BZW2: variants seen among roughly 807,000 people sequenced by gnomAD.
The protein encoded by BZW2 is eIF5-mimic protein 1.
In BZW2, 23 loss-of-function variants were observed where a neutral mutation model predicts 53.2. The observed-to-expected ratio is 0.43, with a 90% CI of 0.31 to 0.61. BZW2 has a LOEUF of 0.61. Among genes scored for constraint, BZW2 ranks in the 20% least tolerant of loss-of-function variants. The pLI is 0.09. For synonymous variants in BZW2, 227 were observed against 186.4 expected (o/e 1.22, Z -1.77); for missense variants, 409 against 503.1 (o/e 0.81, Z 1.79).
intron 7 of BZW2, 52 bp downstream of exon 7, chr7:16,689,958 T>C: frequency 7.2e-7 from 1 of 1,389,808 alleles, no homozygotes; most frequent in Non-Finnish European, 1.0e-6. Flanking sequence ...TCTTGGAGCT[T>C]AAGCAATGCC....
intron 2 of BZW2, among the ~76,000 whole-genome samples, chr7:16,671,268 T>C (rs2128356998): frequency 6.6e-6 from 1 of 152,320 alleles, no homozygotes; most frequent in East Asian, 1.9e-4. Flanking sequence ...TTAGGGTTTA[T>C]ATTTTTGTGA....
At chr7:16,674,705 C>A in intron 3 of BZW2, 117 bp downstream of exon 3, 2 of 905,034 alleles carry the variant, frequency 2.2e-6, no homozygotes, top group Non-Finnish European at 3.0e-6. Context: ...AATAAAAATA[C>A]AAATGGAAGC....
intron 1 of BZW2, among the ~76,000 whole-genome samples, chr7:16,647,502 A>G (rs532999478): frequency 2.0e-5 from 3 of 152,204 alleles, no homozygotes; most frequent in Non-Finnish European, 4.4e-5. Context: ...AATCTTTCCT[A>G]AACTCCAGCT....
intron 2 of BZW2, among the ~76,000 whole-genome samples, chr7:16,670,563 C>T (rs1344956859): frequency 6.6e-6 from 1 of 152,144 alleles, no homozygotes; most frequent in South Asian, 2.1e-4. Context: ...TTCCACCTTT[C>T]TCATATTATA....
intron 10 of BZW2, among the ~76,000 whole-genome samples, chr7:16,699,365 C>G (rs934638363): frequency 1.3e-5 from 2 of 152,184 alleles, no homozygotes; most frequent in Non-Finnish European, 2.9e-5. Context: ...AACCTGCAAG[C>G]CATGTTACCA....
intron 5 of BZW2, 67 bp from the exon 6 acceptor site, chr7:16,685,838 T>G: frequency 6.8e-7 from 1 of 1,468,334 alleles, no homozygotes; most frequent in Non-Finnish European, 8.9e-7. Flanking sequence ...AGTCCTTTGC[T>G]TCATAGACAT....
At chr7:16,682,890 T>C (rs1384203893) in intron 5 of BZW2, 45 bp downstream of exon 5, 6 of 1,343,168 alleles carry the variant, frequency 4.5e-6, no homozygotes, top group Non-Finnish European at 1.0e-6. Context: ...AGTAATGACA[T>C]GGGGGTGGAT....
chr7:16,671,647 T>C (rs1782603355), intron 2 of BZW2, among the ~76,000 whole-genome samples: 2 of 152,062 alleles, frequency 1.3e-5, no homozygotes, highest in South Asian at 2.1e-4. Context: ...GTAGTTTGGC[T>C]GGGCCAGGCA....
intron 1 of BZW2, among the ~76,000 whole-genome samples, chr7:16,648,100 A>G (rs1195783364): frequency 6.6e-6 from 1 of 152,256 alleles, no homozygotes; most frequent in African/African-American, 2.4e-5. Flanking sequence ...TTACATTTCT[A>G]GAAACAGATT....
Position 16,662,178 on chromosome 7 carries a change from G to T in BZW2, c.-7-3259G>T, listed in dbSNP as rs1378288450. ...AAATTTAGAGGGAAGTGGGGCCTCTGCTCCAAATAGTAACAGCTAAAGGAT... is the reference window on the plus strand; with the variant it reads ...AAATTTAGAGGGAAGTGGGGCCTCTTCTCCAAATAGTAACAGCTAAAGGAT... On this transcript the variant is annotated intron_variant, in intron 1 of 11. Coordinates refer to ENST00000258761, the MANE Select transcript of BZW2 (RefSeq NM_014038.3). 6 of 152,216 alleles carry T rather than the reference G, an allele frequency of 3.9e-5. No individual in the cohort carries two copies. The East Asian group carries it at 1.2e-3, about 29-fold the overall frequency. The allele number at this position is 152,216 out of a possible 1,614,324, so 9.4% of individuals were successfully genotyped here. A position where few individuals can be genotyped will look rare whatever the true frequency, so the allele number is the denominator to read the frequency against.
intron 11 of BZW2, among the ~76,000 whole-genome samples, chr7:16,705,119 A>C (rs937289043): frequency 2.0e-5 from 3 of 149,234 alleles, no homozygotes; most frequent in African/African-American, 7.4e-5. Flanking sequence ...CACTTTGGGA[A>C]GCAGAGGTGG....
intron 7 of BZW2, among the ~76,000 whole-genome samples, chr7:16,691,354 T>C (rs952657378): frequency 2.6e-5 from 4 of 152,194 alleles, no homozygotes; most frequent in Non-Finnish European, 5.9e-5. Context: ...GATAAGTGAA[T>C]AGGTTGCTGA....
chr7:16,653,763 T>C lies in BZW2; in HGVS notation c.-8+7475T>C, dbSNP rs116568567. Among the ~76,000 whole-genome samples the C allele has an allele frequency of 9.8e-3, 1,490 of 152,304 alleles. 18 individuals are homozygous for C. The highest frequency in any genetic ancestry group is 0.033 in the African/African-American group (1,357 of 41,560). ...CATAGGCATTTTCTAAAAGGTTACA[T>C]AGGATGATGTTAAAGGGTTTAAATT... On this transcript the variant is annotated intron_variant, in intron 1 of 11. Transcript: ENST00000258761.
At chr7:16,705,778 T>C (rs565245064) in intron 11 of BZW2, among the ~76,000 whole-genome samples, 3 of 149,570 alleles carry the variant, frequency 2.0e-5, no homozygotes, top group East Asian at 1.9e-4. Context: ...CAAATTTTTA[T>C]ATAATTTATA....
At position 16,681,342 on chromosome 7, in the gene BZW2, A is replaced by G. The variant is rs1294741504; in HGVS notation, c.277A>G (p.Met93Val). Residue 93 changes from methionine (M) to valine (V), a missense_variant, in exon 4 of 12, where the codon ATG (methionine) becomes GTG (valine). Around this residue, in one of 3 missense-constraint regions of BZW2, gnomAD observed 316 missense variants for 366.8 expected, o/e 0.86. Transcript: ENST00000258761. ...CATAGATGATGGTGACAAGACCAAGATGACCAACCACTGTGTGTTTTCAGC... is the reference window on the plus strand; with the variant it reads ...CATAGATGATGGTGACAAGACCAAGGTGACCAACCACTGTGTGTTTTCAGC... ...TRIDDGDKTK[M>V]TNHCVFSANE... 1 of 1,613,996 alleles carries G rather than the reference A, an allele frequency of 6.2e-7. No homozygotes were observed. Among genetic ancestry groups the G allele is most frequent in the African/African-American group, 1.3e-5 (1 of 74,924 alleles).
At chr7:16,686,266 AT>A in intron 6 of BZW2, 1 of 545,496 alleles carries the variant, frequency 1.8e-6, no homozygotes, top group Non-Finnish European at 3.1e-6. Flanking sequence ...ACAAAGACAT[AT>A]TAAGAAAGAC....
intron 6 of BZW2, chr7:16,686,735 C>T (rs1783138608): frequency 6.6e-6 from 1 of 152,156 alleles, no homozygotes; most frequent in African/African-American, 2.4e-5. Flanking sequence ...TAAAGTTTTC[C>T]TCCTACATAT....
intron 1 of BZW2, among the ~76,000 whole-genome samples, chr7:16,663,884 A>G (rs1233524844): frequency 6.6e-6 from 1 of 152,212 alleles, no homozygotes; most frequent in Non-Finnish European, 1.5e-5. Context: ...TTTTTCAAAG[A>G]TAATATATTG....
chr7:16,646,522 G>A (rs1781866701), intron 1 of BZW2, among the ~76,000 whole-genome samples: 1 of 152,076 alleles, frequency 6.6e-6, no homozygotes, highest in South Asian at 2.1e-4. Flanking sequence ...GGCCGCCTCG[G>A]GAGACCCTGG....
Sources: gnomAD v4.1 joint callset for allele counts (sites outside exome capture counted in the v4.1 genomes callset) on GRCh38, gnomAD v4.1.1 for gene constraint, gnomAD v4.1.1 regional missense constraint, MANE v1.5 for transcripts, NCBI Gene and HGNC (gene_info 2026-07-23, HGNC 2026-07-21) for gene names.